Variants in NID1 observed in about 807,000 individuals in gnomAD.
The protein encoded by NID1 is nidogen-1.
A neutral mutation model predicts 130.6 loss-of-function variants in NID1; 76 were observed. The observed-to-expected ratio is 0.58, with a 90% CI of 0.48 to 0.70. The LOEUF is 0.70. Among genes scored for constraint, NID1 ranks in the 30% least tolerant of loss-of-function variants. NID1 has a pLI of 0.00. For synonymous variants in NID1, 665 were observed against 675.1 expected, an observed-to-expected ratio of 0.98 and a Z score of 0.23; for missense variants, 1,517 against 1,664.8, an observed-to-expected ratio of 0.91 and a Z score of 1.54.
At chr1:236,040,006 T>TAAC (rs1659402642) in intron 4 of NID1, among the ~76,000 whole-genome samples, 2 of 152,330 alleles carry the variant, frequency 1.3e-5, no homozygotes, top group South Asian at 4.1e-4. Context: ...ACATCTGTTT[T>TAAC]AGACACAATC....
In NID1 at chr1:235,980,356, T is replaced by C. The variant is rs1334573902; in HGVS notation, c.3385+140A>G. The C allele has an allele frequency of 5.0e-6, 4 of 807,600 alleles. No individual in the cohort carries two copies. The African/African-American group carries it at 5.2e-5, about 11-fold the overall frequency. 50.0% of individuals were successfully genotyped at this position (807,600 alleles called of 1,614,324 possible). A position where few individuals can be genotyped will look rare whatever the true frequency, so the allele number is the denominator to read the frequency against. ...ACCAGTATATATTTAATGTACCAGA[T>C]AAAACCGTAAAAACCATTCATAGCT... On this transcript the variant is annotated intron_variant, in intron 17 of 19. Transcript: ENST00000264187.
intron 12 of NID1, among the ~76,000 whole-genome samples, chr1:236,008,113 C>G (rs75740361): frequency 6.6e-6 from 1 of 152,320 alleles, no homozygotes; most frequent in East Asian, 1.9e-4. Flanking sequence ...AATACTTACT[C>G]CTACTACATA....
chr1:236,055,942 C>T (rs182545562), intron 1 of NID1, among the ~76,000 whole-genome samples: 6 of 152,004 alleles, frequency 3.9e-5, no homozygotes, highest in Middle Eastern at 3.4e-3. Context: ...TACAGATAGC[C>T]GTGATAGATC....
In NID1 at chr1:236,026,111, G is replaced by A. The variant is rs1460270506; in HGVS notation, c.1769C>T (p.Thr590Met). ...CCCATCTCGCTCGGGCTCAGTCACC[G>A]TGTACTCCCGGGTGGAGGAGGAAGT... ...VITSSSTREY[T>M]VTEPERDGAS... is the part of the protein sequence containing the mutation. Residue 590 changes from threonine (T) to methionine (M), a missense_variant, in exon 8 of 20, where the codon ACG becomes ATG. Transcript: ENST00000264187. 13 of 1,613,880 alleles carry A rather than the reference G, an allele frequency of 8.1e-6. No homozygotes were observed. The highest frequency in any genetic ancestry group is 4.4e-5 in the South Asian group (4 of 91,060).
At chr1:236,059,919 G>T (rs1192222049) in intron 1 of NID1, among the ~76,000 whole-genome samples, 3 of 152,074 alleles carry the variant, frequency 2.0e-5, no homozygotes. Flanking sequence ...GGCCAACATG[G>T]TGAAACCCCG....
chr1:236,052,405 G>A (rs1659785675), intron 1 of NID1, among the ~76,000 whole-genome samples: 1 of 152,150 alleles, frequency 6.6e-6, no homozygotes, highest in Non-Finnish European at 1.5e-5. Flanking sequence ...ACTGGGCCGG[G>A]GAGTCCTCGG....
intron 5 of NID1, among the ~76,000 whole-genome samples, chr1:236,034,660 T>G (rs988280289): frequency 3.3e-5 from 5 of 152,110 alleles, no homozygotes; most frequent in African/African-American, 1.2e-4. Context: ...CAAGAGTGAC[T>G]ACTAATGGAC....
Position 235,979,933 on chromosome 1 carries a change from G to A in NID1, c.3398C>T (p.Ala1133Val), listed in dbSNP as rs753021292. The A allele has an allele frequency of 6.8e-6, 11 of 1,613,846 alleles. No individual in the cohort carries two copies. Among genetic ancestry groups the A allele is most frequent in the African/African-American group, 5.3e-5 (4 of 74,890 alleles). Residue 1133 changes from alanine (A) to valine (V), a missense_variant, in exon 18 of 20, where the codon GCG (alanine) becomes GTG (valine). Transcript: ENST00000264187. The surrounding 1 kb of genome is among the most constrained non-coding windows in gnomAD (Gnocchi z 4.6). ...GGGCTGACTGGGGTTCAGGCATTCC[G>A]CCCGATTGGTGCCTGTGTGGAGTGG... ...LCWVDAGTNR[A>V]ECLNPSQPSR...
At chr1:236,060,515 T>C (rs1415680365) in intron 1 of NID1, among the ~76,000 whole-genome samples, 1 of 152,150 alleles carries the variant, frequency 6.6e-6, no homozygotes, top group Non-Finnish European at 1.5e-5. Flanking sequence ...CTGTTCAAGA[T>C]GGAATTGCTC....
At chr1:235,984,227 C>T (rs916413209) in intron 15 of NID1, among the ~76,000 whole-genome samples, 6 of 152,122 alleles carry the variant, frequency 3.9e-5, no homozygotes, top group Admixed American at 6.5e-5. Context: ...TTTTAACACA[C>T]GGAGATAGGC....
At chr1:236,017,055 A>G in intron 10 of NID1, 93 bp downstream of exon 10, 1 of 1,554,828 alleles carries the variant, frequency 6.4e-7, no homozygotes, top group Non-Finnish European at 8.9e-7. Flanking sequence ...TTCCAACTTG[A>G]CCAGACTCAT....
In NID1 at chr1:235,980,582, C is replaced by T. The variant is rs779614790; in HGVS notation, c.3299G>A (p.Arg1100Gln). The change falls in exon 17 of 20, where the codon CGG becomes CAG. Residue 1100 changes from arginine to glutamine, a missense_variant. Arg to Gln is a conservative substitution (Grantham distance 43). This residue lies in a region of NID1 where 181 missense variants were observed against 211.3 expected (regional missense o/e 0.86). Transcript: ENST00000264187. ...CAGGTCATCCTGCACAAGGATCCTC[C>T]GGTTCGTGCCGTCCATGTAGGAAGT... ...IETSYMDGTN[R>Q]RILVQDDLGL... 6.2e-6 allele frequency: 10 copies of T among 1,614,082 alleles called. No individual in the cohort carries two copies. The highest frequency in any genetic ancestry group is 8.5e-6 in the Non-Finnish European group (10 of 1,180,042).
At chr1:236,003,725 C>G (rs1372060687) in intron 12 of NID1, among the ~76,000 whole-genome samples, 1 of 152,126 alleles carries the variant, frequency 6.6e-6, no homozygotes, top group Non-Finnish European at 1.5e-5. Flanking sequence ...CAAAAATTAG[C>G]CTGGCTTGAT....
chr1:235,992,791 C>T (rs888653043), intron 13 of NID1, among the ~76,000 whole-genome samples: 5 of 152,274 alleles, frequency 3.3e-5, no homozygotes, highest in African/African-American at 9.6e-5. Flanking sequence ...TTAGCAGCTT[C>T]GGGGAAATAT....
chr1:236,027,786 A>G (rs539444739), intron 7 of NID1, among the ~76,000 whole-genome samples: 102 of 152,174 alleles, frequency 6.7e-4, no homozygotes, highest in African/African-American at 2.4e-3. Flanking sequence ...CTGAGATCAC[A>G]CCACTGCACC....
intron 9 of NID1, among the ~76,000 whole-genome samples, chr1:236,023,016 G>T (rs141007549): frequency 6.7e-6 from 1 of 148,714 alleles, no homozygotes; most frequent in Non-Finnish European, 1.5e-5. Context: ...CCAAGATCAC[G>T]CCACTGCACT....
chr1:235,992,346 G>A (rs1558423895), intron 13 of NID1, among the ~76,000 whole-genome samples: 1 of 152,110 alleles, frequency 6.6e-6, no homozygotes, highest in Admixed American at 6.5e-5. Context: ...TAGTGCAACA[G>A]CCTTCACCTC....
chr1:236,050,039 G>GA (rs1659719022), intron 1 of NID1, among the ~76,000 whole-genome samples: 7 of 130,988 alleles, frequency 5.3e-5, no homozygotes, highest in Non-Finnish European at 9.7e-5. Context: ...TCATCTCAGG[G>GA]GAAAAAAAAA....
rs61480988 is a variant in NID1, at chr1:236,004,761, C to CAAA, written c.2527+7157_2527+7159dup. On this transcript the variant is annotated intron_variant, in intron 12 of 19. Coordinates refer to ENST00000264187, the MANE Select transcript of NID1 (RefSeq NM_002508.3). ...TGGGCAACAGAGCGAGACTCTGTCTCAAAAAAAAAAAAAAAAAAAAAGTTA... is the reference window on the plus strand; with the variant it reads ...TGGGCAACAGAGCGAGACTCTGTCTCAAAAAAAAAAAAAAAAAAAAAAAAGTTA... Among the ~76,000 whole-genome samples, 294 of 67,166 alleles carry CAAA rather than the reference C, an allele frequency of 4.4e-3. 5 individuals carry two copies. Among genetic ancestry groups the CAAA allele is most frequent in the East Asian group, 0.014 (36 of 2,502 alleles). The allele number at this position is 67,166 out of a possible 152,430, so 44.1% of individuals were successfully genotyped here.
Sources: allele counts gnomAD v4.1 joint callset (sites outside exome capture counted in the v4.1 genomes callset), GRCh38; gene constraint gnomAD v4.1.1; regional missense constraint gnomAD v4.1.1; non-coding constraint Gnocchi (gnomAD v3.1); transcripts MANE v1.5; gene names NCBI Gene and HGNC (gene_info 2026-07-23, HGNC 2026-07-21).